The following HAUS6 variants were observed in gnomAD, a reference collection of about 807,000 sequenced individuals.
HAUS6 encodes HAUS augmin like complex subunit 6.
Under a neutral mutation model 106.8 loss-of-function variants are expected in HAUS6, and 80 were observed. The observed-to-expected ratio is 0.75, with a 90% CI of 0.63 to 0.90. The LOEUF (loss-of-function observed/expected upper bound fraction) is 0.90, where lower values mean the gene tolerates loss of function less well. Among genes scored for constraint, HAUS6 ranks in the 40% least tolerant of loss-of-function variants. The pLI is 0.00. For synonymous variants in HAUS6, 356 were observed against 379.1 expected, an observed-to-expected ratio of 0.94 and a Z score of 0.71; for missense variants, 1,155 against 1,118.1, an observed-to-expected ratio of 1.03 and a Z score of -0.47.
At chr9:19,093,366 C>A (rs953335390) in intron 3 of HAUS6, 63 bp from the exon 4 acceptor site, 72 of 1,382,272 alleles carry the variant, frequency 5.2e-5, no homozygotes, top group Non-Finnish European at 7.2e-5. Flanking sequence ...ACATTTACAT[C>A]ACACTATTTT....
intron 12 of HAUS6, among the ~76,000 whole-genome samples, chr9:19,067,670 A>T (rs1435157397): frequency 6.6e-6 from 1 of 152,046 alleles, no homozygotes; most frequent in Non-Finnish European, 1.5e-5. Flanking sequence ...GTATCTTGGT[A>T]CAAAATTCTT....
chr9:19,074,679 TCAAAC>T (rs1239321696), intron 11 of HAUS6, among the ~76,000 whole-genome samples: 1 of 152,132 alleles, frequency 6.6e-6, no homozygotes, highest in Non-Finnish European at 1.5e-5. Context: ...CACCTGACTC[TCAAAC>T]CAATTACCTA....
chr9:19,059,965 T>A, intron 15 of HAUS6, 123 bp downstream of exon 15: 1 of 671,284 alleles, frequency 1.5e-6, no homozygotes, highest in Non-Finnish European at 2.5e-6. Context: ...ACTTAGTACG[T>A]CGATTACAAC....
At chr9:19,083,396 C>G (rs573093189) in intron 7 of HAUS6, among the ~76,000 whole-genome samples, 4 of 152,246 alleles carry the variant, frequency 2.6e-5, no homozygotes, top group African/African-American at 9.6e-5. Context: ...GCACGCACCA[C>G]TGCACCCAGC....
chr9:19,076,979 G>C (rs1481185989), intron 10 of HAUS6, among the ~76,000 whole-genome samples: 1 of 152,086 alleles, frequency 6.6e-6, no homozygotes, highest in Non-Finnish European at 1.5e-5. Context: ...GAGTAGCTAG[G>C]CCTGCAGAGA....
chr9:19,065,336 AT>A (rs1836737698), intron 12 of HAUS6, among the ~76,000 whole-genome samples: 1 of 152,220 alleles, frequency 6.6e-6, no homozygotes, highest in Admixed American at 6.5e-5. Flanking sequence ...AAGGATGGTG[AT>A]CCCCTTGTGG....
chr9:19,093,340 G>A (rs764722473), intron 3 of HAUS6, 37 bp from the exon 4 acceptor site: 2 of 1,541,738 alleles, frequency 1.3e-6, no homozygotes, highest in East Asian at 2.2e-5. Flanking sequence ...TGAAGACCTT[G>A]TTAACAATAA....
At chr9:19,072,557 C>T (rs1282746481) in intron 11 of HAUS6, among the ~76,000 whole-genome samples, 2 of 150,212 alleles carry the variant, frequency 1.3e-5, no homozygotes, top group Non-Finnish European at 3.0e-5. Context: ...AGACCAAGAG[C>T]AAACAGCCTC....
chr9:19,062,071 A>G lies in HAUS6; in HGVS notation c.1629+937T>C, dbSNP rs558409753. 6.6e-5 allele frequency among the ~76,000 whole-genome samples: 10 copies of G among 152,376 alleles called. No individual in the cohort carries two copies. In the South Asian group the frequency reaches 2.1e-3, roughly 32 times the overall value. On this transcript the variant is annotated intron_variant, in intron 14 of 16. Coordinates refer to ENST00000380502, the MANE Select transcript of HAUS6 (RefSeq NM_017645.5). ...AACATGTACTAAAAATAACATTAGC[A>G]AATAACTTCAGAATTTAGCTTGAGT...
intron 4 of HAUS6, among the ~76,000 whole-genome samples, chr9:19,091,988 C>T (rs761516874): frequency 6.6e-6 from 1 of 151,778 alleles, no homozygotes; most frequent in Non-Finnish European, 1.5e-5. Context: ...TTTTTAAGTA[C>T]AAATTGCTCT....
intron 10 of HAUS6, among the ~76,000 whole-genome samples, chr9:19,077,894 A>G (rs1317766221): frequency 1.3e-5 from 2 of 152,064 alleles, no homozygotes; most frequent in Non-Finnish European, 2.9e-5. Context: ...GACCCTATCT[A>G]TAAAATTAAA....
Position 19,099,205 on chromosome 9 carries a change from C to G in HAUS6, c.129-2436G>C, listed in dbSNP as rs1817932394. ...TTTTTGAGACGGAGTCTCGCTCTGTCCCCCAGGCTGGAGTGCAGCGGCGCG... is the reference window on the plus strand; with the variant it reads ...TTTTTGAGACGGAGTCTCGCTCTGTGCCCCAGGCTGGAGTGCAGCGGCGCG... On this transcript the variant is annotated intron_variant, in intron 1 of 16. Transcript: ENST00000380502. Among the ~76,000 whole-genome samples, 5 of 148,124 alleles carry G rather than the reference C, an allele frequency of 3.4e-5. No individual in the cohort carries two copies. In the Admixed American group the frequency reaches 3.4e-4, roughly 10 times the overall value.
At chr9:19,091,422 G>C (rs1368435788) in intron 4 of HAUS6, among the ~76,000 whole-genome samples, 1 of 152,118 alleles carries the variant, frequency 6.6e-6, no homozygotes, top group Non-Finnish European at 1.5e-5. Flanking sequence ...CCAGAAATAG[G>C]ACAATCCATG....
intron 12 of HAUS6, among the ~76,000 whole-genome samples, chr9:19,067,813 CAAGT>C (rs1432594082): frequency 6.6e-6 from 1 of 152,084 alleles, no homozygotes; most frequent in Non-Finnish European, 1.5e-5. Context: ...CTCAGCCTCC[CAAGT>C]AAGTAGTTGG....
chr9:19,067,102 C>G (rs1588602384), intron 12 of HAUS6, among the ~76,000 whole-genome samples: 1 of 152,034 alleles, frequency 6.6e-6, no homozygotes, highest in Non-Finnish European at 1.5e-5. Context: ...TGATAACACT[C>G]TCTAAAAACT....
chr9:19,092,908 CTG>C (rs1817784337), intron 4 of HAUS6, among the ~76,000 whole-genome samples: 1 of 119,802 alleles, frequency 8.3e-6, no homozygotes, highest in East Asian at 2.5e-4. Flanking sequence ...TTGAGCGAAA[CTG>C]TGTCTCAAAA....
intron 9 of HAUS6, among the ~76,000 whole-genome samples, chr9:19,079,462 C>G (rs1837089292): frequency 6.6e-6 from 1 of 151,696 alleles, no homozygotes; most frequent in African/African-American, 2.4e-5. Flanking sequence ...AACTTCTGAC[C>G]TGAGGTGATC....
chr9:19,081,803 C>T (rs1021193690), intron 8 of HAUS6, among the ~76,000 whole-genome samples: 15 of 152,078 alleles, frequency 9.9e-5, no homozygotes, highest in African/African-American at 3.4e-4. Context: ...CACTGGCTCA[C>T]GCCTGTAATC....
At chr9:19,076,307 T>C (rs540576040) in intron 11 of HAUS6, among the ~76,000 whole-genome samples, 77 of 152,120 alleles carry the variant, frequency 5.1e-4, no homozygotes, top group Non-Finnish European at 7.4e-4. Context: ...TGAGCTGAGA[T>C]TGTTCGACTG....
Sources: allele counts gnomAD v4.1 joint callset (sites outside exome capture counted in the v4.1 genomes callset), GRCh38; gene constraint gnomAD v4.1.1; transcripts MANE v1.5; gene names NCBI Gene and HGNC (gene_info 2026-07-23, HGNC 2026-07-21).